Variants in ZC3H8 observed in about 807,000 individuals in gnomAD.
The protein encoded by ZC3H8 is zinc finger CCCH domain-containing protein 8.
A neutral mutation model predicts 42.5 loss-of-function variants in ZC3H8; 27 were observed. The observed-to-expected ratio is 0.64, with a 90% CI of 0.47 to 0.88. ZC3H8 has a LOEUF of 0.88. ZC3H8 is among the 40% of genes least tolerant of loss of function. The probability of loss-of-function intolerance (pLI) is 0.00; values close to 1 mark genes in which losing one functional copy is unlikely to be tolerated. For synonymous variants in ZC3H8, 101 were observed against 110.1 expected, an observed-to-expected ratio of 0.92 and a Z score of 0.52; for missense variants, 277 against 336.1, an observed-to-expected ratio of 0.82 and a Z score of 1.37.
chr2:112,239,579 CTTT>C (rs200972008), intron 2 of ZC3H8, among the ~76,000 whole-genome samples: 4 of 86,484 alleles, frequency 4.6e-5, no homozygotes, highest in South Asian at 7.3e-4. Flanking sequence ...TAACAGTTTA[CTTT>C]TTTTTTTTTT....
rs191744756 is a variant in ZC3H8, at chr2:112,243,586, A to T, written c.157-5058T>A. The stretch of plus-strand genomic sequence containing the variant: ...AGCAAATAATTACCTCACAAAGAAG[A>T]ATCCCATTCTTCTCATTAGAATCGT... On this transcript the variant is annotated intron_variant, in intron 2 of 8. Transcript: ENST00000409573. Among the ~76,000 whole-genome samples the T allele has an allele frequency of 6.3e-4, 96 of 152,234 alleles. 1 individual carries two copies. The Middle Eastern group carries it at 0.017, about 27-fold the overall frequency.
chr2:112,233,655 C>A (rs1444152342), intron 5 of ZC3H8, among the ~76,000 whole-genome samples: 1 of 152,128 alleles, frequency 6.6e-6, no homozygotes, highest in Non-Finnish European at 1.5e-5. Context: ...ATCATGAGGT[C>A]AGGAGATCGA....
intron 8 of ZC3H8, among the ~76,000 whole-genome samples, chr2:112,228,792 A>G (rs564935517): frequency 6.6e-6 from 1 of 152,350 alleles, no homozygotes; most frequent in Non-Finnish European, 1.5e-5. Context: ...CATTAATAAA[A>G]TAAGACAAGC....
rs138032670 is a variant in ZC3H8 at position 112,233,341 on chromosome 2, C to T, written c.652G>A (p.Glu218Lys). ...CACATTTCCTTTTTCTTTTCTATCT[C>T]TGCATCATGATCAAATTTACACTGG... ...GDQCKFDHDA[E>K]IEKKKEMCKF... The change falls in exon 6 of 9, where the codon GAG becomes AAG. Residue 218 changes from glutamate to lysine, a missense_variant. By Grantham distance (56) the Glu-to-Lys change is moderately conservative. Transcript: ENST00000409573. 1 of 1,595,296 alleles carries T rather than the reference C, an allele frequency of 6.3e-7. No homozygotes were observed. Among genetic ancestry groups the T allele is most frequent in the Non-Finnish European group, 8.5e-7 (1 of 1,169,954 alleles).
At chr2:112,239,365 C>A (rs1277092727) in intron 2 of ZC3H8, among the ~76,000 whole-genome samples, 2 of 151,926 alleles carry the variant, frequency 1.3e-5, no homozygotes, top group African/African-American at 2.4e-5. Context: ...AAAAAATGAC[C>A]AAGTATCAAA....
rs76397380 is a variant in ZC3H8, at chr2:112,236,575, C to A, written c.491G>T (p.Gly164Val). ...ATATTCCAATACCTCTTCCTGTGAG[C>A]CGCTGTTCCTCAGCAAAGCATTTGA... The part of the protein sequence containing the change: ...KGSNALLRNS[G>V]SQEEDGKPKE... The change falls in exon 4 of 9, where the codon GGC becomes GTC. Residue 164 changes from glycine to valine, a missense_variant. Gly to Val is a moderately radical substitution (Grantham distance 109). Transcript: ENST00000409573. 6.9e-4 allele frequency: 1,117 copies of A among 1,613,470 alleles called. 4 individuals are homozygous for A. In the African/African-American group the frequency reaches 0.013, roughly 19 times the overall value.
chr2:112,243,026 G>T (rs1685637686), intron 2 of ZC3H8, among the ~76,000 whole-genome samples: 1 of 152,184 alleles, frequency 6.6e-6, no homozygotes, highest in Non-Finnish European at 1.5e-5. Flanking sequence ...AAAGATATGA[G>T]GAAACTGGAG....
At chr2:112,251,196 G>A (rs1013027047) in intron 1 of ZC3H8, among the ~76,000 whole-genome samples, 12 of 152,220 alleles carry the variant, frequency 7.9e-5, no homozygotes, top group Non-Finnish European at 1.2e-4. Flanking sequence ...GCAAGGAATT[G>A]GGGAATGTGT....
chr2:112,254,338 T>C (rs1686052893), intron 1 of ZC3H8, among the ~76,000 whole-genome samples: 1 of 152,262 alleles, frequency 6.6e-6, no homozygotes, highest in Non-Finnish European at 1.5e-5. Flanking sequence ...TCCAACCTAA[T>C]GGAAATATTA....
At chr2:112,242,611 G>A (rs1464630044) in intron 2 of ZC3H8, among the ~76,000 whole-genome samples, 3 of 152,150 alleles carry the variant, frequency 2.0e-5, no homozygotes, top group Non-Finnish European at 4.4e-5. Flanking sequence ...GTGAATTGTG[G>A]ATTATTATAC....
intron 2 of ZC3H8, among the ~76,000 whole-genome samples, chr2:112,246,131 A>T (rs1685755313): frequency 6.6e-6 from 1 of 152,154 alleles, no homozygotes; most frequent in African/African-American, 2.4e-5. Flanking sequence ...TGGTTTACTG[A>T]CTATTTTAAG....
intron 8 of ZC3H8, among the ~76,000 whole-genome samples, chr2:112,223,552 C>T (rs1684688880): frequency 1.3e-5 from 2 of 152,058 alleles, no homozygotes; most frequent in South Asian, 4.1e-4. Flanking sequence ...GCATATATTA[C>T]TTTTATAAGA....
intron 2 of ZC3H8, among the ~76,000 whole-genome samples, chr2:112,247,885 C>G (rs1220638974): frequency 6.6e-6 from 1 of 152,214 alleles, no homozygotes; most frequent in Non-Finnish European, 1.5e-5. Flanking sequence ...GTTGAAGTTG[C>G]AATTTCTTGT....
At chr2:112,248,926 C>T (rs923965359) in intron 2 of ZC3H8, among the ~76,000 whole-genome samples, 1 of 152,052 alleles carries the variant, frequency 6.6e-6, no homozygotes, top group Non-Finnish European at 1.5e-5. Flanking sequence ...CGGGCACAGT[C>T]GCTCAGGCCT....
rs1420903587 is a variant in ZC3H8 at position 112,214,000 on chromosome 2, C to G, written c.*2484G>C. The G allele has an allele frequency of 7.0e-6, 1 of 143,226 alleles. No homozygotes were observed. The highest frequency in any genetic ancestry group is 2.6e-5 in the African/African-American group (1 of 38,308). The allele number at this position is 143,226 out of a possible 1,614,324, so 8.9% of individuals were successfully genotyped here. A position where few individuals can be genotyped will look rare whatever the true frequency, so the allele number is the denominator to read the frequency against. ...TCTCACTGTCGCCCAGGCTGGAGTG[C>G]AGTGGTGCGATCTCAGCTCACTGCA... On this transcript the variant is annotated 3_prime_UTR_variant, in exon 9 of 9. Coordinates refer to ENST00000409573, the MANE Select transcript of ZC3H8 (RefSeq NM_032494.3).
intron 2 of ZC3H8, among the ~76,000 whole-genome samples, chr2:112,248,357 G>GA (rs1477702973): frequency 2.6e-5 from 4 of 151,192 alleles, no homozygotes; most frequent in African/African-American, 7.3e-5. Flanking sequence ...AAAAGAAAAA[G>GA]AAAAGGAAAA....
chr2:112,248,897 T>C (rs959579273), intron 2 of ZC3H8, among the ~76,000 whole-genome samples: 1 of 151,964 alleles, frequency 6.6e-6, no homozygotes, highest in African/African-American at 2.4e-5. Flanking sequence ...GATTTCCTTA[T>C]AAAAAAGGAA....
At chr2:112,220,909 G>A (rs955810849) in intron 8 of ZC3H8, among the ~76,000 whole-genome samples, 2 of 152,176 alleles carry the variant, frequency 1.3e-5, no homozygotes, top group East Asian at 3.8e-4. Context: ...TTTGACCTTG[G>A]AGAATCTGAT....
In ZC3H8 at chr2:112,236,558, A is replaced by G. The variant is rs377629653; in HGVS notation, c.504+4T>C. On this transcript the variant is annotated splice_donor_region_variant and intron_variant, in intron 4 of 8. Transcript: ENST00000409573. ...GGTATTCCTAGAAGCATATATTCCA[A>G]TACCTCTTCCTGTGAGCCGCTGTTC... is the stretch of plus-strand genomic sequence containing the variant. The G allele has an allele frequency of 4.5e-5, 73 of 1,612,262 alleles. No homozygotes were observed. The highest frequency in any genetic ancestry group is 5.8e-5 in the Non-Finnish European group (68 of 1,179,496).
Sources: allele counts gnomAD v4.1 joint callset (sites outside exome capture counted in the v4.1 genomes callset), GRCh38; gene constraint gnomAD v4.1.1; transcripts MANE v1.5; gene names NCBI Gene and HGNC (gene_info 2026-07-23, HGNC 2026-07-21).